Variants in SYTL3 observed in about 807,000 individuals in gnomAD.
The protein encoded by SYTL3 is synaptotagmin-like protein 3.
A neutral mutation model predicts 82.1 loss-of-function variants in SYTL3; 88 were observed. That is an observed-to-expected ratio of 1.07 (90% CI 0.90 to 1.28). SYTL3 has a LOEUF of 1.28. Ranked by LOEUF, SYTL3 falls within the 50% of genes most tolerant of loss-of-function variation. The probability of loss-of-function intolerance (pLI) is 0.00; values close to 1 mark genes in which losing one functional copy is unlikely to be tolerated. For missense variants in SYTL3, 831 were observed against 757.6 expected, an observed-to-expected ratio of 1.10 and a Z score of -1.14; for synonymous variants, 311 against 289.4, an observed-to-expected ratio of 1.07 and a Z score of -0.76.
intron 5 of SYTL3, among the ~76,000 whole-genome samples, chr6:158,667,893 C>T (rs1790274014): frequency 6.6e-6 from 1 of 152,188 alleles, no homozygotes; most frequent in Admixed American, 6.5e-5. Flanking sequence ...TCTTAGAGAA[C>T]TGAGTGCCAA....
At chr6:158,671,747 A>AAGG (rs1554243606) in intron 5 of SYTL3, among the ~76,000 whole-genome samples, 1 of 149,082 alleles carries the variant, frequency 6.7e-6, no homozygotes, top group Non-Finnish European at 1.5e-5. Flanking sequence ...AAAAAAAAAA[A>AAGG]AAGATAATTA....
chr6:158,736,283 A>T (rs1356219426), intron 11 of SYTL3, among the ~76,000 whole-genome samples: 1 of 151,966 alleles, frequency 6.6e-6, no homozygotes, highest in African/African-American at 2.4e-5. Flanking sequence ...CCCGGGAGGC[A>T]GAGTTTGCAG....
At chr6:158,739,440 T>C (rs761396105) in intron 11 of SYTL3, among the ~76,000 whole-genome samples, 1 of 152,228 alleles carries the variant, frequency 6.6e-6, no homozygotes, top group Non-Finnish European at 1.5e-5. Flanking sequence ...ATCTGTGGTT[T>C]ATTGTCTCTT....
rs773105838 is a variant in SYTL3, at chr6:158,663,395, G to C, written c.110+17G>C. The C allele has an allele frequency of 3.7e-6, 6 of 1,610,998 alleles. No homozygotes were observed. In the Admixed American group the frequency reaches 8.4e-5, roughly 22 times the overall value. On this transcript the variant is annotated intron_variant, in intron 4 of 17. Transcript: ENST00000611299. ...GAGGACACGGTAGGCTGCCCTTCCC[G>C]GGGGGTCACTTTGGGTGTTTAGCTT...
At chr6:158,742,135 ATAGTC>A (rs1787003369) in intron 11 of SYTL3, among the ~76,000 whole-genome samples, 2 of 152,378 alleles carry the variant, frequency 1.3e-5, no homozygotes, top group South Asian at 4.1e-4. Flanking sequence ...CATCATTTCC[ATAGTC>A]TAAAATAAAC....
At chr6:158,699,550 C>G (rs533261106) in intron 6 of SYTL3, among the ~76,000 whole-genome samples, 45 of 152,304 alleles carry the variant, frequency 3.0e-4, no homozygotes, top group African/African-American at 1.0e-3. Flanking sequence ...GGATCTTACT[C>G]CCCGCTGCCT....
intron 13 of SYTL3, among the ~76,000 whole-genome samples, chr6:158,755,330 G>A (rs562454161): frequency 6.6e-6 from 1 of 152,176 alleles, no homozygotes; most frequent in Non-Finnish European, 1.5e-5. Context: ...GTGACAGAGT[G>A]AGATCCTGTC....
chr6:158,717,981 C>T (rs1413278903), intron 9 of SYTL3, 106 bp from the exon 10 acceptor site: 2 of 1,170,250 alleles, frequency 1.7e-6, no homozygotes, highest in Non-Finnish European at 1.2e-6. Context: ...CCTCTTAAGA[C>T]CTTGGGACCC....
In SYTL3 at chr6:158,713,778, T is replaced by C. The variant is rs549710501; in HGVS notation, c.517-22T>C. ...AAGTCATCAAGCATAATTCTCATTC[T>C]CTCCTTCTGTCTCTGTTTTAGTTAC... On this transcript the variant is annotated intron_variant, in intron 8 of 17. Transcript: ENST00000611299. The C allele has an allele frequency of 4.3e-4, 651 of 1,507,006 alleles. 3 individuals carry two copies. In the African/African-American group the frequency reaches 6.7e-3, roughly 16 times the overall value. The allele number at this position is 1,507,006 out of a possible 1,614,324, so 93.4% of individuals were successfully genotyped here. A position where few individuals can be genotyped will look rare whatever the true frequency, so the allele number is the denominator to read the frequency against.
intron 5 of SYTL3, among the ~76,000 whole-genome samples, chr6:158,678,822 A>G (rs1001741329): frequency 6.6e-6 from 1 of 152,192 alleles, no homozygotes; most frequent in African/African-American, 2.4e-5. Flanking sequence ...TTATGGGCTA[A>G]TTGAAAAAAT....
chr6:158,728,665 G>T (rs1785025642), intron 11 of SYTL3, among the ~76,000 whole-genome samples: 1 of 152,204 alleles, frequency 6.6e-6, no homozygotes, highest in Non-Finnish European at 1.5e-5. Flanking sequence ...TTAAGGCCGG[G>T]CGCGGTGGCT....
intron 11 of SYTL3, among the ~76,000 whole-genome samples, chr6:158,732,893 T>C (rs17513056): frequency 0.15 from 22,518 of 151,000 alleles, 2,098 homozygotes; most frequent in Non-Finnish European, 0.21. Context: ...CCAAAAAAAC[T>C]CTTTCTTTTA....
intron 5 of SYTL3, among the ~76,000 whole-genome samples, chr6:158,672,881 C>T (rs566578702): frequency 9.9e-5 from 15 of 152,104 alleles, no homozygotes; most frequent in African/African-American, 3.1e-4. Context: ...GTGATCTGCC[C>T]GTCTCGGCCT....
chr6:158,678,019 A>G (rs2128398266), intron 5 of SYTL3, among the ~76,000 whole-genome samples: 1 of 152,226 alleles, frequency 6.6e-6, no homozygotes, highest in Non-Finnish European at 1.5e-5. Context: ...CCTCCTGAGG[A>G]GCTGGGACTA....
chr6:158,690,335 C>G (rs1779730175), intron 6 of SYTL3, among the ~76,000 whole-genome samples: 1 of 152,208 alleles, frequency 6.6e-6, no homozygotes, highest in South Asian at 2.1e-4. Context: ...TGAGTAGGCA[C>G]CTTACAAATG....
intron 7 of SYTL3, among the ~76,000 whole-genome samples, chr6:158,707,600 T>C (rs1040046003): frequency 6.6e-6 from 1 of 152,244 alleles, no homozygotes; most frequent in Non-Finnish European, 1.5e-5. Context: ...AAAGCAAGCA[T>C]GTGCTTTGAT....
At chr6:158,703,957 G>A (rs761936338) in intron 6 of SYTL3, among the ~76,000 whole-genome samples, 4 of 151,374 alleles carry the variant, frequency 2.6e-5, no homozygotes, top group Non-Finnish European at 4.4e-5. Flanking sequence ...GAGTAGCTGC[G>A]ATTACAAGCG....
At chr6:158,727,218 G>T (rs544960306) in intron 11 of SYTL3, among the ~76,000 whole-genome samples, 4 of 151,692 alleles carry the variant, frequency 2.6e-5, no homozygotes, top group Admixed American at 6.6e-5. Flanking sequence ...TGTTGCACAG[G>T]CCAGAGTGCA....
chr6:158,655,847 T>C (rs951881344), intron 2 of SYTL3, among the ~76,000 whole-genome samples: 65 of 152,302 alleles, frequency 4.3e-4, no homozygotes, highest in African/African-American at 1.6e-3. Flanking sequence ...CAGAGGCAGC[T>C]ACTCACCCAC....
Sources: allele counts gnomAD v4.1 joint callset (sites outside exome capture counted in the v4.1 genomes callset), GRCh38; gene constraint gnomAD v4.1.1; transcripts MANE v1.5; gene names NCBI Gene and HGNC (gene_info 2026-07-23, HGNC 2026-07-21).